The following TMEM132D variants were observed in gnomAD, a reference collection of about 807,000 sequenced individuals.
The protein encoded by TMEM132D is mature OL transmembrane protein.
A neutral mutation model predicts 62.3 loss-of-function variants in TMEM132D; 21 were observed. That is an observed-to-expected ratio of 0.34 (90% confidence interval 0.24 to 0.49). The LOEUF is 0.49. TMEM132D is among the 20% of genes least tolerant of loss of function. TMEM132D has a pLI of 0.99. For missense variants in TMEM132D, 1,346 were observed against 1,402.8 expected (o/e 0.96, Z 0.65); for synonymous variants, 621 against 575.6 (o/e 1.08, Z -1.13).
intron 5 of TMEM132D, among the ~76,000 whole-genome samples, chr12:129,149,017 C>T (rs1876997187): frequency 6.6e-6 from 1 of 152,170 alleles, no homozygotes; most frequent in Non-Finnish European, 1.5e-5. Flanking sequence ...AATGCTGCCC[C>T]TCATATGCCC....
chr12:129,608,882 G>A (rs1350457566), intron 2 of TMEM132D, among the ~76,000 whole-genome samples: 1 of 151,938 alleles, frequency 6.6e-6, no homozygotes, highest in Admixed American at 6.6e-5. Context: ...CAGATTCCTA[G>A]GCCCCACCCC....
At chr12:129,133,115 T>A (rs1381548882) in intron 5 of TMEM132D, among the ~76,000 whole-genome samples, 1 of 152,180 alleles carries the variant, frequency 6.6e-6, no homozygotes. Context: ...TCCTCCCTAA[T>A]CCTTCTTGCT....
At chr12:129,837,336 G>C (rs1387314075) in intron 1 of TMEM132D, among the ~76,000 whole-genome samples, 1 of 152,160 alleles carries the variant, frequency 6.6e-6, no homozygotes, top group Non-Finnish European at 1.5e-5. Context: ...ACTAAACACA[G>C]GTCCACGGTG....
chr12:129,716,933 T>A (rs1224979395), intron 1 of TMEM132D, among the ~76,000 whole-genome samples: 1 of 152,176 alleles, frequency 6.6e-6, no homozygotes, highest in Non-Finnish European at 1.5e-5. Flanking sequence ...GGAAACACAT[T>A]TAGCGTCTGT....
At chr12:129,102,294 A>T (rs115590001) in intron 5 of TMEM132D, among the ~76,000 whole-genome samples, 2,867 of 152,264 alleles carry the variant, frequency 0.019, 103 homozygotes, top group African/African-American at 0.064. Flanking sequence ...ACCTTTAATC[A>T]CACACATACA....
At chr12:129,887,561 T>C (rs976638806) in intron 1 of TMEM132D, among the ~76,000 whole-genome samples, 24 of 152,220 alleles carry the variant, frequency 1.6e-4, no homozygotes, top group African/African-American at 5.8e-4. Context: ...GTTCGGTTCC[T>C]ACCCTTTTGA....
In TMEM132D at chr12:129,623,050, G is replaced by C. The variant is rs1232425978; in HGVS notation, c.968+76760C>G. On this transcript the variant is annotated intron_variant, in intron 2 of 8. Transcript: ENST00000422113. ...GAGGAAATCAGAGCTGAGAGGGAGG[G>C]GGAAGGGGAGAGAGAGATGGAGAGA... is the stretch of plus-strand genomic sequence containing the variant. Among the ~76,000 whole-genome samples the C allele has an allele frequency of 3.3e-5, 5 of 152,156 alleles. No individual in the cohort carries two copies. The East Asian group carries it at 9.6e-4, about 29-fold the overall frequency.
At chr12:129,602,194 C>A (rs1878499079) in intron 2 of TMEM132D, among the ~76,000 whole-genome samples, 1 of 152,142 alleles carries the variant, frequency 6.6e-6, no homozygotes, top group African/African-American at 2.4e-5. Context: ...AAAGTAAAAA[C>A]TGAAAACTAG....
chr12:129,694,457 C>G, intron 2 of TMEM132D, among the ~76,000 whole-genome samples: 1 of 152,224 alleles, frequency 6.6e-6, no homozygotes, highest in East Asian at 1.9e-4. Context: ...GAGAAGGACT[C>G]TATTTCCATG....
intron 4 of TMEM132D, among the ~76,000 whole-genome samples, chr12:129,227,663 T>C (rs535982456): frequency 1.6e-4 from 24 of 152,046 alleles, no homozygotes; most frequent in South Asian, 4.2e-4. Context: ...GTTTGTTACA[T>C]AGGTATACAT....
chr12:129,814,611 CA>C lies in TMEM132D; in HGVS notation c.79+88649del, dbSNP rs34979485. Among the ~76,000 whole-genome samples, 353 of 94,558 alleles carry C rather than the reference CA, an allele frequency of 3.7e-3. 4 individuals carry two copies. Among genetic ancestry groups the C allele is most frequent in the African/African-American group, 0.014 (327 of 22,620 alleles). The allele number at this position is 94,558 out of a possible 152,430, so 62.0% of individuals were successfully genotyped here. A position where few individuals can be genotyped will look rare whatever the true frequency, so the allele number is the denominator to read the frequency against. ...GGGCAACAAGAGCGAAACTCCCTCTCAAAAAAAAAAAAAAAAAAAACTAAAT... is the reference window on the plus strand; with the variant it reads ...GGGCAACAAGAGCGAAACTCCCTCTCAAAAAAAAAAAAAAAAAAACTAAAT... On this transcript the variant is annotated intron_variant, in intron 1 of 8. Coordinates refer to ENST00000422113, the MANE Select transcript of TMEM132D (RefSeq NM_133448.3).
At chr12:129,556,247 C>T (rs1357979976) in intron 2 of TMEM132D, among the ~76,000 whole-genome samples, 1 of 152,174 alleles carries the variant, frequency 6.6e-6, no homozygotes, top group Admixed American at 6.5e-5. Context: ...GCTCGTCTCA[C>T]CCAGCAGCTG....
chr12:129,726,612 T>A (rs1212458729), intron 1 of TMEM132D, among the ~76,000 whole-genome samples: 2 of 151,830 alleles, frequency 1.3e-5, no homozygotes, highest in African/African-American at 4.8e-5. Flanking sequence ...AGTGAAGGGA[T>A]TGAATTTATG....
At chr12:129,657,306 G>A (rs1163549057) in intron 2 of TMEM132D, among the ~76,000 whole-genome samples, 5 of 152,136 alleles carry the variant, frequency 3.3e-5, no homozygotes, top group Non-Finnish European at 7.4e-5. Context: ...GAGGTAGCTG[G>A]CACTGGTAAG....
intron 3 of TMEM132D, among the ~76,000 whole-genome samples, chr12:129,395,492 G>A (rs1394870404): frequency 6.6e-6 from 1 of 152,004 alleles, no homozygotes; most frequent in Non-Finnish European, 1.5e-5. Flanking sequence ...TTCTTATGGA[G>A]ATTTGCACAA....
Position 129,209,557 on chromosome 12 carries a change from G to C in TMEM132D, c.1406C>G (p.Ser469Cys). 4.3e-6 allele frequency: 7 copies of C among 1,614,168 alleles called. No individual in the cohort carries two copies. The highest frequency in any genetic ancestry group is 5.9e-6 in the Non-Finnish European group (7 of 1,180,000). The change falls in exon 5 of 9, where the codon TCT (serine) becomes TGT (cysteine). Residue 469 changes from serine to cysteine, a missense_variant. Ser to Cys is a moderately radical substitution (Grantham distance 112). Transcript: ENST00000422113. Reference sequence around the variant, plus strand: ...TTCATCAGACGATCTACACTCCACAGACTCCAGCAGCTCTGTCACTGTGCC... The same window carrying C: ...TTCATCAGACGATCTACACTCCACACACTCCAGCAGCTCTGTCACTGTGCC... ...DDGTVTELLE[S>C]VECRSSDEDV...
intron 3 of TMEM132D, among the ~76,000 whole-genome samples, chr12:129,495,831 G>A (rs1356804748): frequency 6.6e-6 from 1 of 152,192 alleles, no homozygotes; most frequent in East Asian, 1.9e-4. Flanking sequence ...TCCTGGAGGG[G>A]AGGGCTGGGT....
chr12:129,773,817 C>T (rs1267380025), intron 1 of TMEM132D, among the ~76,000 whole-genome samples: 2 of 152,154 alleles, frequency 1.3e-5, no homozygotes, highest in Non-Finnish European at 2.9e-5. Flanking sequence ...GGGGCCTCAC[C>T]AAGTGGTATT....
At chr12:129,719,993 C>A (rs1041674713) in intron 1 of TMEM132D, among the ~76,000 whole-genome samples, 3 of 151,700 alleles carry the variant, frequency 2.0e-5, no homozygotes, top group African/African-American at 7.3e-5. Flanking sequence ...TCAAGCGGGC[C>A]ATTAAAGACT....
Sources: gnomAD v4.1 joint callset for allele counts (sites outside exome capture counted in the v4.1 genomes callset) on GRCh38, gnomAD v4.1.1 for gene constraint, MANE v1.5 for transcripts, NCBI Gene and HGNC (gene_info 2026-07-23, HGNC 2026-07-21) for gene names.